Variants in CRADD observed in about 807,000 individuals in gnomAD.
CRADD encodes the protein CARD and death domain containing adaptor protein.
CRADD carries 9 observed loss-of-function variants against 15.5 expected under a neutral mutation model. The ratio of observed to expected loss-of-function variants is 0.58; its 90% CI spans 0.35 to 1.01. The LOEUF (loss-of-function observed/expected upper bound fraction) is 1.01, where lower values mean the gene tolerates loss of function less well. Ranked by LOEUF, CRADD falls within the 50% of genes least tolerant of loss-of-function variation. The probability of loss-of-function intolerance (pLI) is 0.02; values close to 1 mark genes in which losing one functional copy is unlikely to be tolerated. For missense variants in CRADD, 227 were observed against 250.3 expected, an observed-to-expected ratio of 0.91 and a Z score of 0.63; for synonymous variants, 118 against 107.6, an observed-to-expected ratio of 1.10 and a Z score of -0.60.
intron 2 of CRADD, among the ~76,000 whole-genome samples, chr12:93,707,435 T>G (rs996326465): frequency 1.3e-5 from 2 of 152,192 alleles, no homozygotes; most frequent in Admixed American, 1.3e-4. Context: ...TTTTGAGATC[T>G]CAGACTCAGA....
chr12:93,736,037 A>G (rs147106208), intron 2 of CRADD, among the ~76,000 whole-genome samples: 3,626 of 152,116 alleles, frequency 0.024, 135 homozygotes, highest in African/African-American at 0.083. Flanking sequence ...AGCCTGGGCA[A>G]TAGAGGGAGA....
At chr12:93,890,128 C>G (rs1660548111) in intron 2 of CRADD, among the ~76,000 whole-genome samples, 1 of 152,164 alleles carries the variant, frequency 6.6e-6, no homozygotes, top group Admixed American at 6.5e-5. Flanking sequence ...GAATTATAGT[C>G]AAATTCCCCT....
chr12:93,758,271 A>G (rs1158634298), intron 2 of CRADD, among the ~76,000 whole-genome samples: 3 of 152,212 alleles, frequency 2.0e-5, no homozygotes, highest in Admixed American at 1.3e-4. Context: ...GCCAGAACAC[A>G]TGTTTAACAA....
At position 93,751,600 on chromosome 12, in the gene CRADD, C is replaced by A. The variant is rs528985659; in HGVS notation, c.298+72528C>A. 2.6e-5 allele frequency among the ~76,000 whole-genome samples: 4 copies of A among 152,338 alleles called. No individual in the cohort carries two copies. In the East Asian group the frequency reaches 7.7e-4, roughly 29 times the overall value. On this transcript the variant is annotated intron_variant, in intron 2 of 2. Coordinates refer to ENST00000332896, the MANE Select transcript of CRADD (RefSeq NM_003805.5). ...TTATCTTGGGCCAGGCGTGGTGGCT[C>A]ATGCCTGTAATCCCAGCACTTTGGA...
At chr12:93,731,271 T>C (rs1309000694) in intron 2 of CRADD, among the ~76,000 whole-genome samples, 1 of 152,232 alleles carries the variant, frequency 6.6e-6, no homozygotes, top group African/African-American at 2.4e-5. Flanking sequence ...AAAAAGTATT[T>C]AAAAATATAT....
chr12:93,772,236 GTC>G (rs1194268967), intron 2 of CRADD, among the ~76,000 whole-genome samples: 3 of 152,198 alleles, frequency 2.0e-5, no homozygotes, highest in African/African-American at 7.2e-5. Flanking sequence ...CATATTGACA[GTC>G]TTTATGAGCT....
intron 2 of CRADD, among the ~76,000 whole-genome samples, chr12:93,688,476 C>T (rs1053788301): frequency 6.7e-6 from 1 of 148,154 alleles, no homozygotes. Context: ...TCCTGGGTGA[C>T]AGAGTGAGAC....
At chr12:93,788,076 G>A (rs1957299993) in intron 2 of CRADD, among the ~76,000 whole-genome samples, 1 of 152,172 alleles carries the variant, frequency 6.6e-6, no homozygotes, top group Admixed American at 6.5e-5. Context: ...ACGCTCTGGA[G>A]GAAACCCATC....
chr12:93,691,120 G>A (rs1196897307), intron 2 of CRADD, among the ~76,000 whole-genome samples: 6 of 152,112 alleles, frequency 3.9e-5, no homozygotes, highest in Non-Finnish European at 8.8e-5. Context: ...ACGGGCAAAT[G>A]TGACTTTTCA....
intron 2 of CRADD, among the ~76,000 whole-genome samples, chr12:93,828,362 G>T (rs1957850196): frequency 6.6e-6 from 1 of 152,106 alleles, no homozygotes; most frequent in East Asian, 1.9e-4. Flanking sequence ...TTTTAGTATG[G>T]TGCCATTTTA....
At chr12:93,737,979 C>T (rs2136923967) in intron 2 of CRADD, among the ~76,000 whole-genome samples, 1 of 152,106 alleles carries the variant, frequency 6.6e-6, no homozygotes, top group South Asian at 2.1e-4. Flanking sequence ...TATATAAATT[C>T]ACTTGGGTAT....
chr12:93,759,530 A>C (rs61929002), intron 2 of CRADD, among the ~76,000 whole-genome samples: 5,492 of 152,098 alleles, frequency 0.036, 152 homozygotes, highest in South Asian at 0.063. Flanking sequence ...ATACTGTTTG[A>C]CTATTTTGAA....
chr12:93,821,777 TAGGGAGTCAGTTGGGTTTCCACTCTTTA>T (rs567475405), intron 2 of CRADD, among the ~76,000 whole-genome samples: 22 of 152,174 alleles, frequency 1.4e-4, no homozygotes, highest in African/African-American at 5.3e-4. Context: ...TGCAGGACGG[TAGGGAGTCAGTTGGGTTTCCACTCTTTA>T]AGGGATGTGA....
chr12:93,826,167 C>T (rs1049262608), intron 2 of CRADD, among the ~76,000 whole-genome samples: 18 of 152,346 alleles, frequency 1.2e-4, no homozygotes, highest in South Asian at 1.0e-3. Context: ...GATATTCTTC[C>T]TTCTCAAGCC....
At chr12:93,862,646 G>A (rs1455781698) in intron 2 of CRADD, among the ~76,000 whole-genome samples, 1 of 152,158 alleles carries the variant, frequency 6.6e-6, no homozygotes, top group Non-Finnish European at 1.5e-5. Flanking sequence ...CAGGCCAAGA[G>A]TTTGGGTTTC....
intron 2 of CRADD, among the ~76,000 whole-genome samples, chr12:93,792,398 A>G (rs1236209144): frequency 6.6e-6 from 1 of 152,190 alleles, no homozygotes; most frequent in Non-Finnish European, 1.5e-5. Context: ...TTTCTGCACC[A>G]AATAGTTCCA....
At chr12:93,891,123 C>T (rs891809457) in intron 2 of CRADD, among the ~76,000 whole-genome samples, 2 of 152,174 alleles carry the variant, frequency 1.3e-5, no homozygotes, top group African/African-American at 4.8e-5. Context: ...TGCAGCCTGA[C>T]CACCTTGGGC....
intron 2 of CRADD, among the ~76,000 whole-genome samples, chr12:93,865,989 C>G (rs1958364075): frequency 6.6e-6 from 1 of 152,078 alleles, no homozygotes; most frequent in Non-Finnish European, 1.5e-5. Flanking sequence ...CTTCTCGTTT[C>G]TAGCATTATT....
intron 2 of CRADD, among the ~76,000 whole-genome samples, chr12:93,847,498 GAAAA>G: frequency 1.6e-5 from 1 of 62,952 alleles, no homozygotes; most frequent in Middle Eastern, 0.01. Context: ...AGCATTGCTT[GAAAA>G]AAAAAAAAAA....
Sources: gnomAD v4.1 joint callset for allele counts (sites outside exome capture counted in the v4.1 genomes callset) on GRCh38, gnomAD v4.1.1 for gene constraint, MANE v1.5 for transcripts, NCBI Gene and HGNC (gene_info 2026-07-23, HGNC 2026-07-21) for gene names.